BBX: variants seen among roughly 807,000 people sequenced by gnomAD.
BBX encodes BBX high mobility group box domain containing, also known as HMG box transcription factor BBX.
In BBX, 30 loss-of-function variants were observed where a neutral mutation model predicts 100.2. That is an observed-to-expected ratio of 0.30 (90% CI 0.22 to 0.41). The LOEUF is 0.41. Ranked by LOEUF, BBX falls within the 10% of genes least tolerant of loss-of-function variation. The probability of loss-of-function intolerance (pLI) is 1.00; values close to 1 mark genes in which losing one functional copy is unlikely to be tolerated. For missense variants in BBX, 1,023 were observed against 1,129.8 expected (o/e 0.91, Z 1.35); for synonymous variants, 376 against 388.1 (o/e 0.97, Z 0.37).
In BBX at chr3:107,778,535, T is replaced by C. The variant is rs1375243880; in HGVS notation, c.2203+16T>C. On this transcript the variant is annotated intron_variant, in intron 13 of 17. Coordinates refer to ENST00000325805, the MANE Select transcript of BBX (RefSeq NM_001142568.3). ...ACCAGCAAAGGTTAGGTGTGACCTGTACCTTCCTGCCATGTGGTCAGAATC... is the reference window on the plus strand; with the variant it reads ...ACCAGCAAAGGTTAGGTGTGACCTGCACCTTCCTGCCATGTGGTCAGAATC... 6.2e-7 allele frequency: 1 copy of C among 1,610,466 alleles called. No homozygotes were observed. The highest frequency in any genetic ancestry group is 8.5e-7 in the Non-Finnish European group (1 of 1,178,506).
At chr3:107,574,299 G>T (rs1220339220) in intron 2 of BBX, among the ~76,000 whole-genome samples, 1 of 152,080 alleles carries the variant, frequency 6.6e-6, no homozygotes, top group Non-Finnish European at 1.5e-5. Flanking sequence ...ACCTAATAGG[G>T]GGCTCCAAAC....
intron 9 of BBX, among the ~76,000 whole-genome samples, chr3:107,755,029 T>C (rs1462701737): frequency 6.6e-6 from 1 of 152,230 alleles, no homozygotes; most frequent in Non-Finnish European, 1.5e-5. Flanking sequence ...ACTGTACAAC[T>C]CAGATTTGTG....
chr3:107,626,045 T>C (rs1410989878), intron 2 of BBX, among the ~76,000 whole-genome samples: 2 of 152,194 alleles, frequency 1.3e-5, no homozygotes, highest in Non-Finnish European at 2.9e-5. Context: ...TATTACATGC[T>C]TGGCACACAA....
At chr3:107,696,550 T>C (rs2060615810) in intron 3 of BBX, among the ~76,000 whole-genome samples, 1 of 151,870 alleles carries the variant, frequency 6.6e-6, no homozygotes, top group Admixed American at 6.6e-5. Flanking sequence ...GCTTCTAGAG[T>C]TTCTGCCAAG....
At chr3:107,682,837 G>C (rs1049641821) in intron 3 of BBX, among the ~76,000 whole-genome samples, 1 of 152,232 alleles carries the variant, frequency 6.6e-6, no homozygotes, top group South Asian at 2.1e-4. Flanking sequence ...AAGATGTCAC[G>C]TTGTCACAGA....
At chr3:107,525,660 C>G (rs1303449356) in intron 1 of BBX, among the ~76,000 whole-genome samples, 1 of 152,136 alleles carries the variant, frequency 6.6e-6, no homozygotes, top group Non-Finnish European at 1.5e-5. Flanking sequence ...GGGTGGGATC[C>G]CTCGCTCTCT....
At chr3:107,593,087 A>G (rs984429521) in intron 2 of BBX, among the ~76,000 whole-genome samples, 5 of 152,214 alleles carry the variant, frequency 3.3e-5, no homozygotes, top group Non-Finnish European at 2.9e-5. Flanking sequence ...TGGGAGTTCA[A>G]GGATTGTCTG....
At chr3:107,768,951 A>G (rs1409544923) in intron 10 of BBX, among the ~76,000 whole-genome samples, 1 of 123,644 alleles carries the variant, frequency 8.1e-6, no homozygotes, top group Non-Finnish European at 1.6e-5. Flanking sequence ...TGAGGCCAGG[A>G]GTTGGAGAGC....
intron 2 of BBX, among the ~76,000 whole-genome samples, chr3:107,620,364 C>A (rs1455248975): frequency 6.6e-6 from 1 of 152,194 alleles, no homozygotes; most frequent in Non-Finnish European, 1.5e-5. Flanking sequence ...AATCTAACAA[C>A]ACTTTCATCT....
intron 13 of BBX, 49 bp from the exon 14 acceptor site, chr3:107,789,738 T>C: frequency 7.8e-7 from 1 of 1,281,962 alleles, no homozygotes; most frequent in Non-Finnish European, 1.1e-6. Context: ...CAATATTTTT[T>C]ATGAAACATT....
intron 2 of BBX, among the ~76,000 whole-genome samples, chr3:107,587,345 CAA>C (rs1329577363): frequency 2.6e-4 from 24 of 93,798 alleles, no homozygotes; most frequent in Non-Finnish European, 3.1e-4. Context: ...ACCCTGTCTC[CAA>C]AAAAAAAAAA....
intron 15 of BBX, among the ~76,000 whole-genome samples, chr3:107,793,772 A>T (rs2069302941): frequency 1.3e-5 from 2 of 152,154 alleles, no homozygotes; most frequent in Non-Finnish European, 2.9e-5. Flanking sequence ...CTGTTCAGCT[A>T]TTCTGATTTC....
At chr3:107,707,139 G>C (rs1355327885) in intron 3 of BBX, among the ~76,000 whole-genome samples, 1 of 152,106 alleles carries the variant, frequency 6.6e-6, no homozygotes, top group Non-Finnish European at 1.5e-5. Flanking sequence ...TTCACTTACT[G>C]TTTTATTCAT....
intron 2 of BBX, among the ~76,000 whole-genome samples, chr3:107,530,269 G>A (rs2048066063): frequency 6.6e-6 from 1 of 152,070 alleles, no homozygotes; most frequent in African/African-American, 2.4e-5. Flanking sequence ...GTGGGCACCT[G>A]TAATCCCAGC....
chr3:107,565,239 T>TA (rs1225914372), intron 2 of BBX, among the ~76,000 whole-genome samples: 1 of 152,058 alleles, frequency 6.6e-6, no homozygotes, highest in Admixed American at 6.5e-5. Flanking sequence ...TTTTTTGTCT[T>TA]ACGCAAAATC....
At chr3:107,655,455 T>C (rs2058074646) in intron 3 of BBX, among the ~76,000 whole-genome samples, 1 of 151,766 alleles carries the variant, frequency 6.6e-6, no homozygotes, top group Non-Finnish European at 1.5e-5. Context: ...CAAGGAGATA[T>C]CGTATGATTC....
intron 2 of BBX, among the ~76,000 whole-genome samples, chr3:107,589,327 G>T (rs760593083): frequency 1.3e-5 from 2 of 152,136 alleles, no homozygotes; most frequent in Non-Finnish European, 2.9e-5. Flanking sequence ...AAAGAACTGA[G>T]AAAACAAAGC....
At position 107,807,970 on chromosome 3, in the gene BBX, C is replaced by T. The variant is rs2071143466; in HGVS notation, c.*2513C>T. ...TCCTTAGACTCACCTTGTCGATTCT[C>T]TGAGTAAAGTCTTGATTTCAATAAT... is the stretch of plus-strand genomic sequence containing the variant. On this transcript the variant is annotated 3_prime_UTR_variant, in exon 18 of 18. Coordinates refer to ENST00000325805, the MANE Select transcript of BBX (RefSeq NM_001142568.3). The T allele has an allele frequency of 6.6e-6, 1 of 152,182 alleles. No individual in the cohort carries two copies. The highest frequency in any genetic ancestry group is 2.4e-5 in the African/African-American group (1 of 41,444). 9.4% of individuals were successfully genotyped at this position (152,182 alleles called of 1,614,324 possible). A position where few individuals can be genotyped will look rare whatever the true frequency, so the allele number is the denominator to read the frequency against.
At chr3:107,537,513 C>G (rs1443477216) in intron 2 of BBX, among the ~76,000 whole-genome samples, 3 of 152,186 alleles carry the variant, frequency 2.0e-5, no homozygotes, top group Non-Finnish European at 4.4e-5. Context: ...GTTTTCCTAT[C>G]TTGAGGACTA....
Sources: allele counts gnomAD v4.1 joint callset (sites outside exome capture counted in the v4.1 genomes callset), GRCh38; gene constraint gnomAD v4.1.1; transcripts MANE v1.5; gene names NCBI Gene and HGNC (gene_info 2026-07-23, HGNC 2026-07-21).